Variants in HIVEP3 observed in about 807,000 individuals in gnomAD.
The protein encoded by HIVEP3 is transcription factor HIVEP3.
Under a neutral mutation model 152.8 loss-of-function variants are expected in HIVEP3, and 49 were observed. That is an observed-to-expected ratio of 0.32 (90% CI 0.26 to 0.41). The LOEUF (loss-of-function observed/expected upper bound fraction) is 0.41, where lower values mean the gene tolerates loss of function less well. HIVEP3 is among the 10% of genes least tolerant of loss of function. HIVEP3 has a pLI of 1.00. For missense variants in HIVEP3, 2,790 were observed against 3,103.3 expected (o/e 0.90, Z 2.40); for synonymous variants, 1,269 against 1,289.0 (o/e 0.98, Z 0.33).
At chr1:41,950,575 T>C (rs952602025) in intron 1 of HIVEP3, among the ~76,000 whole-genome samples, 17 of 152,238 alleles carry the variant, frequency 1.1e-4, no homozygotes, top group Non-Finnish European at 2.4e-4. Flanking sequence ...ATCCCATCCA[T>C]GCCTTCCCCT....
At chr1:41,880,278 C>CA (rs779052122) in intron 1 of HIVEP3, among the ~76,000 whole-genome samples, 2 of 152,106 alleles carry the variant, frequency 1.3e-5, no homozygotes, top group Non-Finnish European at 2.9e-5. Flanking sequence ...TAGGCTCAAG[C>CA]AATGCCCCCA....
chr1:42,019,103 C>T (rs944686186), intron 1 of HIVEP3, among the ~76,000 whole-genome samples: 24 of 152,098 alleles, frequency 1.6e-4, no homozygotes, highest in African/African-American at 5.8e-4. Flanking sequence ...GGCCATTTGT[C>T]TATTTTAGCA....
At chr1:41,897,788 A>G (rs559850055) in intron 1 of HIVEP3, among the ~76,000 whole-genome samples, 1 of 152,252 alleles carries the variant, frequency 6.6e-6, no homozygotes, top group South Asian at 2.1e-4. Context: ...ACGTGTGGTC[A>G]TGGAGAGAAT....
At chr1:41,987,401 G>T (rs1645330827) in intron 1 of HIVEP3, among the ~76,000 whole-genome samples, 1 of 151,936 alleles carries the variant, frequency 6.6e-6, no homozygotes, top group African/African-American at 2.4e-5. Flanking sequence ...AAATAAAAAA[G>T]AAATAGAAAA....
intron 5 of HIVEP3, among the ~76,000 whole-genome samples, chr1:41,562,634 C>CCTCT (rs1644094298): frequency 2.3e-5 from 2 of 88,792 alleles, no homozygotes; most frequent in African/African-American, 1.0e-4. Flanking sequence ...TCTCTCTCTC[C>CCTCT]CTCTCTCTCT....
At chr1:41,523,544 C>T (rs77921387) in intron 6 of HIVEP3, among the ~76,000 whole-genome samples, 2,392 of 152,180 alleles carry the variant, frequency 0.016, 31 homozygotes, top group South Asian at 0.053. Flanking sequence ...AGGCCACTCT[C>T]CCAGGGGATG....
chr1:41,870,605 T>C (rs1327306323), intron 1 of HIVEP3, among the ~76,000 whole-genome samples: 1 of 152,254 alleles, frequency 6.6e-6, no homozygotes. Context: ...CACCCTGCTG[T>C]CTACTTTACA....
chr1:41,900,524 A>C (rs1219501948), intron 1 of HIVEP3, among the ~76,000 whole-genome samples: 1 of 152,104 alleles, frequency 6.6e-6, no homozygotes, highest in African/African-American at 2.4e-5. Context: ...CTCTTCAGAC[A>C]ACGTACCCCC....
chr1:41,745,720 G>A lies in HIVEP3; in HGVS notation c.-800-44725C>T, dbSNP rs137907692. 4.8e-3 allele frequency among the ~76,000 whole-genome samples: 726 copies of A among 152,332 alleles called. 4 individuals carry two copies. The highest frequency in any genetic ancestry group is 7.1e-3 in the Non-Finnish European group (484 of 68,028). The stretch of plus-strand genomic sequence containing the variant: ...GGACCCCAGTGAAGGGCAGGATGAC[G>A]TGGATGATAAAAGCCTGAATTAGAG... On this transcript the variant is annotated intron_variant, in intron 1 of 8. Coordinates refer to ENST00000372583, the MANE Select transcript of HIVEP3 (RefSeq NM_024503.5).
At chr1:41,896,750 A>T (rs541267650) in intron 1 of HIVEP3, among the ~76,000 whole-genome samples, 1 of 151,606 alleles carries the variant, frequency 6.6e-6, no homozygotes, top group South Asian at 2.1e-4. Flanking sequence ...AATTTTTTGT[A>T]TTTTTAGTAG....
rs543280868 is a variant in HIVEP3 at position 41,584,784 on chromosome 1, T to C, written c.14A>G (p.Gln5Arg). 1.3e-6 allele frequency: 2 copies of C among 1,514,290 alleles called. No homozygotes were observed. The highest frequency in any genetic ancestry group is 2.7e-5 in the South Asian group (2 of 73,862). The allele number at this position is 1,514,290 out of a possible 1,614,324, so 93.8% of individuals were successfully genotyped here. The change falls in exon 4 of 9, where the codon CAA (glutamine) becomes CGA (arginine). Residue 5 changes from glutamine to arginine, a missense_variant. Gln to Arg is a conservative substitution (Grantham distance 43). Around this residue, in one of 9 missense-constraint regions of HIVEP3, gnomAD observed 209 missense variants for 237.0 expected, o/e 0.88. Transcript: ENST00000372583. This position sits in a 1 kb window ranked among gnomAD's most constrained non-coding sequence, Gnocchi z 5.2. Reference sequence around the variant, plus strand: ...AGCCTTCTTGGTGCCCTTGACACTTTGTTCAGGATCCATGACCTTCACAAA... The same window carrying C: ...AGCCTTCTTGGTGCCCTTGACACTTCGTTCAGGATCCATGACCTTCACAAA... MDPE[Q>R]SVKGTKKAEG...
At chr1:41,717,831 C>T (rs61202574) in intron 1 of HIVEP3, among the ~76,000 whole-genome samples, 1,712 of 152,300 alleles carry the variant, frequency 0.011, 36 homozygotes, top group African/African-American at 0.039. Flanking sequence ...TGGACATTGA[C>T]TGTAGGGGAG....
intron 2 of HIVEP3, among the ~76,000 whole-genome samples, chr1:41,686,147 C>T (rs1352185502): frequency 6.6e-6 from 1 of 152,148 alleles, no homozygotes; most frequent in Admixed American, 6.5e-5. Flanking sequence ...TCTCAGCCCA[C>T]TACAACCTCT....
At chr1:41,526,991 C>T (rs111214169) in intron 5 of HIVEP3, among the ~76,000 whole-genome samples, 2,737 of 117,372 alleles carry the variant, frequency 0.023, 90 homozygotes, top group Non-Finnish European at 0.037. Context: ...CACTCCACAC[C>T]CCTGCACTCA....
intron 2 of HIVEP3, among the ~76,000 whole-genome samples, chr1:41,689,795 C>T (rs1366074626): frequency 6.6e-6 from 1 of 152,254 alleles, no homozygotes; most frequent in Non-Finnish European, 1.5e-5. Context: ...AGTGCCAAGA[C>T]AAGTTGAATG....
chr1:41,640,150 G>A (rs1645350138), intron 2 of HIVEP3, among the ~76,000 whole-genome samples: 1 of 152,086 alleles, frequency 6.6e-6, no homozygotes, highest in Non-Finnish European at 1.5e-5. Context: ...GGGAGGTGTT[G>A]CTGGTGTATA....
chr1:42,005,075 G>A (rs564675742), intron 1 of HIVEP3, among the ~76,000 whole-genome samples: 2 of 152,170 alleles, frequency 1.3e-5, no homozygotes, highest in East Asian at 1.9e-4. Context: ...GGCCATTCCC[G>A]CTGATGGGAG....
intron 6 of HIVEP3, among the ~76,000 whole-genome samples, chr1:41,518,823 T>TTG (rs1331255906): frequency 1.3e-5 from 2 of 151,586 alleles, no homozygotes; most frequent in Admixed American, 6.6e-5. Flanking sequence ...ATAGGTTTTT[T>TTG]TTTTTTTTTT....
intron 1 of HIVEP3, among the ~76,000 whole-genome samples, chr1:41,939,051 C>A (rs1013525316): frequency 4.6e-5 from 7 of 152,168 alleles, no homozygotes; most frequent in African/African-American, 1.7e-4. Flanking sequence ...TCGGAGGCAG[C>A]AGTAACGGTT....
Sources: allele counts gnomAD v4.1 joint callset (sites outside exome capture counted in the v4.1 genomes callset), GRCh38; gene constraint gnomAD v4.1.1; regional missense constraint gnomAD v4.1.1; non-coding constraint Gnocchi (gnomAD v3.1); transcripts MANE v1.5; gene names NCBI Gene and HGNC (gene_info 2026-07-23, HGNC 2026-07-21).